Variants in PIK3AP1 observed in about 807,000 individuals in gnomAD.
PIK3AP1 encodes the protein phosphoinositide-3-kinase adaptor protein 1.
PIK3AP1 carries 21 observed loss-of-function variants against 88.1 expected under a neutral mutation model. That is an observed-to-expected ratio of 0.24 (90% CI 0.17 to 0.34). PIK3AP1 has a LOEUF of 0.34. PIK3AP1 is among the 10% of genes least tolerant of loss of function. The pLI is 1.00. For synonymous variants in PIK3AP1, 398 were observed against 400.0 expected (o/e 1.00, Z 0.06); for missense variants, 828 against 1,035.7 (o/e 0.80, Z 2.75).
rs184659286 is a variant in PIK3AP1, at chr10:96,659,264, T to A, written c.431-2330A>T. 1.1e-4 allele frequency among the ~76,000 whole-genome samples: 17 copies of A among 152,290 alleles called. No homozygotes were observed. The East Asian group carries it at 3.3e-3, about 29-fold the overall frequency. ...CATGGACTTGAAACATTCAGTTACT[T>A]AAAATAGAAAGAAGCTCCTTGAAAC... On this transcript the variant is annotated intron_variant, in intron 2 of 16. Coordinates refer to ENST00000339364, the MANE Select transcript of PIK3AP1 (RefSeq NM_152309.3).
At chr10:96,628,238 T>C (rs1439877156) in intron 9 of PIK3AP1, among the ~76,000 whole-genome samples, 160 bp downstream of exon 9, 1 of 152,036 alleles carries the variant, frequency 6.6e-6, no homozygotes, top group African/African-American at 2.4e-5. Context: ...GAGCTCAGGG[T>C]AGAGGGGTCG....
At chr10:96,687,027 C>T (rs1043954250) in intron 2 of PIK3AP1, among the ~76,000 whole-genome samples, 4 of 151,718 alleles carry the variant, frequency 2.6e-5, no homozygotes, top group African/African-American at 4.8e-5. Flanking sequence ...CAGACCGAGG[C>T]GGGTGGATCA....
intron 2 of PIK3AP1, among the ~76,000 whole-genome samples, chr10:96,692,835 G>A (rs1293949241): frequency 1.3e-5 from 2 of 152,074 alleles, no homozygotes; most frequent in African/African-American, 4.8e-5. Flanking sequence ...GTTCAGTTTT[G>A]TTTTTCAAAA....
intron 8 of PIK3AP1, among the ~76,000 whole-genome samples, chr10:96,628,900 ATATATATGTG>A (rs779792191): frequency 0.12 from 3,147 of 26,070 alleles, 163 homozygotes; most frequent in Non-Finnish European, 0.18. Context: ...ATATATATAT[ATATATATGTG>A]TATATATATA....
intron 1 of PIK3AP1, among the ~76,000 whole-genome samples, chr10:96,713,645 A>T (rs925299224): frequency 2.0e-5 from 3 of 152,066 alleles, no homozygotes; most frequent in Non-Finnish European, 2.9e-5. Flanking sequence ...TGATTGACTT[A>T]GTAGAAAAGC....
chr10:96,663,631 A>C (rs1320983123), intron 2 of PIK3AP1, among the ~76,000 whole-genome samples: 1 of 134,170 alleles, frequency 7.5e-6, no homozygotes, highest in Admixed American at 7.2e-5. Context: ...CTCCGTCAAA[A>C]AAAAAAAAAA....
chr10:96,632,761 C>T (rs1044710378), intron 8 of PIK3AP1: 72 of 1,162,900 alleles, frequency 6.2e-5, no homozygotes, highest in African/African-American at 5.3e-4. Flanking sequence ...TGATTAGAAG[C>T]GTGGGCATTA....
intron 2 of PIK3AP1, among the ~76,000 whole-genome samples, chr10:96,668,664 G>T (rs1317396786): frequency 1.3e-5 from 2 of 152,188 alleles, no homozygotes; most frequent in African/African-American, 4.8e-5. Flanking sequence ...ACAAAGTAGG[G>T]GGGTATCGTG....
chr10:96,616,561 C>G, intron 13 of PIK3AP1, 78 bp downstream of exon 13: 1 of 1,508,860 alleles, frequency 6.6e-7, no homozygotes, highest in Non-Finnish European at 9.2e-7. Context: ...CCCACTCAGG[C>G]CACAGCCAAA....
Position 96,604,344 on chromosome 10 carries a change from A to ATTTTTT in PIK3AP1, c.2171-301_2171-296dup, listed in dbSNP as rs66487275. On this transcript the variant is annotated intron_variant, in intron 14 of 16. Transcript: ENST00000339364. The stretch of plus-strand genomic sequence containing the variant: ...AGGTGTGTGCCACCACACCTAGCCA[A>ATTTTTT]TTTTTTTTTTTTTTTTTTTTTTTTT... Among the ~76,000 whole-genome samples the ATTTTTT allele has an allele frequency of 4.7e-3, 363 of 77,112 alleles. 10 individuals carry two copies. The highest frequency in any genetic ancestry group is 6.5e-3 in the Non-Finnish European group (271 of 41,860). The allele number at this position is 77,112 out of a possible 152,430, so 50.6% of individuals were successfully genotyped here.
intron 11 of PIK3AP1, 191 bp from the exon 12 acceptor site, chr10:96,620,748 TCA>T: frequency 1.7e-6 from 1 of 578,370 alleles, no homozygotes; most frequent in African/African-American, 1.9e-5. Context: ...CCAAGGCCTA[TCA>T]CACTGAAGTA....
At chr10:96,678,293 G>A (rs888001332) in intron 2 of PIK3AP1, among the ~76,000 whole-genome samples, 8 of 152,088 alleles carry the variant, frequency 5.3e-5, no homozygotes, top group African/African-American at 1.9e-4. Context: ...AAATTAGCTA[G>A]GCGTGGTGGC....
chr10:96,703,862 G>A (rs1252650817), intron 2 of PIK3AP1, among the ~76,000 whole-genome samples: 1 of 152,118 alleles, frequency 6.6e-6, no homozygotes, highest in Non-Finnish European at 1.5e-5. Flanking sequence ...AAATTATCTG[G>A]TCCAACCCCA....
chr10:96,612,678 AATG>A (rs1436217531), intron 13 of PIK3AP1, among the ~76,000 whole-genome samples: 2 of 151,916 alleles, frequency 1.3e-5, no homozygotes, highest in African/African-American at 4.8e-5. Flanking sequence ...CTCGTAGCAG[AATG>A]ATGAGTGCCC....
chr10:96,647,105 A>G (rs1843470213), intron 7 of PIK3AP1, among the ~76,000 whole-genome samples: 1 of 152,230 alleles, frequency 6.6e-6, no homozygotes, highest in Non-Finnish European at 1.5e-5. Context: ...TTTTGGTCAC[A>G]ATGCTGAAGC....
At chr10:96,628,906 AT>A (rs1843196933) in intron 8 of PIK3AP1, among the ~76,000 whole-genome samples, 2 of 13,240 alleles carry the variant, frequency 1.5e-4, no homozygotes, top group Non-Finnish European at 3.9e-4. Context: ...ATATATATAT[AT>A]GTGTATATAT....
At chr10:96,614,165 G>A (rs1435446497) in intron 13 of PIK3AP1, among the ~76,000 whole-genome samples, 2 of 152,088 alleles carry the variant, frequency 1.3e-5, no homozygotes, top group South Asian at 2.1e-4. Flanking sequence ...GAGCCCAGAC[G>A]GCTGAGCACA....
intron 1 of PIK3AP1, among the ~76,000 whole-genome samples, chr10:96,719,633 G>A (rs1367206584): frequency 1.3e-5 from 2 of 152,120 alleles, no homozygotes; most frequent in Non-Finnish European, 2.9e-5. Context: ...AATTGTCTCC[G>A]TTATCATCAT....
At position 96,603,998 on chromosome 10, in the gene PIK3AP1, C is replaced by A; in HGVS notation, c.2222G>T (p.Gly741Val). The part of the protein sequence containing the change: ...STRSLLSVSS[G>V]MEGDNEDNEV... ...TCTCACCTCGTTGTCCCCTTCCATC[C>A]CGCTGCTCACACTGAGGAGGCTCCG... The change falls in exon 15 of 17, where the codon GGG becomes GTG. Residue 741 changes from glycine (G) to valine (V), a missense_variant. Gly to Val is a moderately radical substitution (Grantham distance 109). Around this residue, in one of 3 missense-constraint regions of PIK3AP1, gnomAD observed 191 missense variants for 208.6 expected, o/e 0.92. Coordinates refer to ENST00000339364, the MANE Select transcript of PIK3AP1 (RefSeq NM_152309.3). The A allele has an allele frequency of 6.2e-7, 1 of 1,607,674 alleles. No individual in the cohort carries two copies. The highest frequency in any genetic ancestry group is 2.2e-5 in the East Asian group (1 of 44,702).
Sources: allele counts gnomAD v4.1 joint callset (sites outside exome capture counted in the v4.1 genomes callset), GRCh38; gene constraint gnomAD v4.1.1; regional missense constraint gnomAD v4.1.1; transcripts MANE v1.5; gene names NCBI Gene and HGNC (gene_info 2026-07-23, HGNC 2026-07-21).